The following BSG variants were observed in gnomAD, a reference collection of about 807,000 sequenced individuals.
BSG encodes basigin (Ok blood group), also known as basigin.
In BSG, 37 loss-of-function variants were observed where a neutral mutation model predicts 43.1. The observed-to-expected ratio is 0.86, with a 90% CI of 0.66 to 1.13. The LOEUF is 1.13. BSG is among the 50% of genes most tolerant of loss of function. The probability of loss-of-function intolerance (pLI) is 0.00; values close to 1 mark genes in which losing one functional copy is unlikely to be tolerated. For synonymous variants in BSG, 309 were observed against 238.7 expected (o/e 1.29, Z -2.72); for missense variants, 599 against 554.2 (o/e 1.08, Z -0.81).
chr19:581,280 G>A, intron 5 of BSG, 35 bp from the exon 6 acceptor site: 9 of 1,584,918 alleles, frequency 5.7e-6, no homozygotes, highest in Non-Finnish European at 6.0e-6. Context: ...CTAGACTGGG[G>A]GTCCTGGACT....
rs1479712984 is a variant in BSG, at chr19:582,510, C to T, written c.1095-4C>T. 5 of 1,607,636 alleles carry T rather than the reference C, an allele frequency of 3.1e-6. No individual in the cohort carries two copies. In the African/African-American group the frequency reaches 6.7e-5, roughly 21 times the overall value. On this transcript the variant is annotated splice_polypyrimidine_tract_variant and splice_region_variant and intron_variant, in intron 7 of 8. Coordinates refer to ENST00000333511, the MANE Select transcript of BSG (RefSeq NM_001728.4). ...ACCCTCTCACCCGGCCCCTCGTGCCCCAGGAAGAGCAGCGGGCAGCACCAG... is the reference window on the plus strand; with the variant it reads ...ACCCTCTCACCCGGCCCCTCGTGCCTCAGGAAGAGCAGCGGGCAGCACCAG...
Position 578,338 on chromosome 19 carries a change from C to T in BSG, c.415+217C>T, listed in dbSNP as rs1981970964. 1.3e-5 allele frequency: 6 copies of T among 458,420 alleles called. No homozygotes were observed. The East Asian group carries it at 1.7e-4, about 13-fold the overall frequency. 28.4% of individuals were successfully genotyped at this position (458,420 alleles called of 1,614,324 possible). A position where few individuals can be genotyped will look rare whatever the true frequency, so the allele number is the denominator to read the frequency against. ...GCGGCCTGGCTCGGGGCAGGCAGGG[C>T]TCTGCCCTCCAGCAGGTGGGTCCTC... is the stretch of plus-strand genomic sequence containing the variant. On this transcript the variant is annotated intron_variant, in intron 2 of 8. Transcript: ENST00000333511.
chr19:582,190 G>A lies in BSG; in HGVS notation c.1070-116G>A, dbSNP rs1208408859. 5 of 1,418,934 alleles carry A rather than the reference G, an allele frequency of 3.5e-6. No homozygotes were observed. In the East Asian group the frequency reaches 1.2e-4, roughly 33 times the overall value. The allele number at this position is 1,418,934 out of a possible 1,614,324, so 87.9% of individuals were successfully genotyped here. ...TGATGAGCTGCCCCGAGCCACCCCTGGGGGTCACTGAGGGCAGGGCTGGCA... is the reference window on the plus strand; with the variant it reads ...TGATGAGCTGCCCCGAGCCACCCCTAGGGGTCACTGAGGGCAGGGCTGGCA... On this transcript the variant is annotated intron_variant, in intron 6 of 8. Coordinates refer to ENST00000333511, the MANE Select transcript of BSG (RefSeq NM_001728.4).
At chr19:576,735 T>C (rs1600483656) in intron 1 of BSG, among the ~76,000 whole-genome samples, 2 of 142,118 alleles carry the variant, frequency 1.4e-5, no homozygotes, top group African/African-American at 2.7e-5. Flanking sequence ...CTGAACAGAG[T>C]GAGACTCTGT....
chr19:572,934 TCCGGCCTCGAGC>T (rs28989773), intron 1 of BSG, among the ~76,000 whole-genome samples: 21,290 of 151,972 alleles, frequency 0.14, 1,703 homozygotes, highest in South Asian at 0.26. Context: ...CCCCGGGCGC[TCCGGCCTCGAGC>T]CCGGCCTCTG....
chr19:573,430 G>C (rs1600474756), intron 1 of BSG, among the ~76,000 whole-genome samples: 1 of 152,248 alleles, frequency 6.6e-6, no homozygotes. Flanking sequence ...AGCACATGGA[G>C]GCTCTGAGTG....
rs557199346 is a variant in BSG, at chr19:572,818, G to A, written c.67+117G>A. The A allele has an allele frequency of 5.4e-5, 65 of 1,196,410 alleles. No homozygotes were observed. In the African/African-American group the frequency reaches 9.7e-4, roughly 18 times the overall value. The allele number at this position is 1,196,410 out of a possible 1,614,324, so 74.1% of individuals were successfully genotyped here. Reference sequence around the variant, plus strand: ...CTCGGCGCGGGGCGGCCTGGGGTGCGAAAGGCCGGCCCCGGGGGCTTCCCG... The same window carrying A: ...CTCGGCGCGGGGCGGCCTGGGGTGCAAAAGGCCGGCCCCGGGGGCTTCCCG... On this transcript the variant is annotated intron_variant, in intron 1 of 8. Transcript: ENST00000333511.
At position 581,194 on chromosome 19, in the gene BSG, G is replaced by A. The variant is rs937819466; in HGVS notation, c.793-121G>A. On this transcript the variant is annotated intron_variant, in intron 5 of 8. Coordinates refer to ENST00000333511, the MANE Select transcript of BSG (RefSeq NM_001728.4). ...GTGAGGGGCCTAGACTGGGGGTCCC[G>A]GACTCAGCCCTCCGGACTGGGTGAG... 3.1e-5 allele frequency: 24 copies of A among 778,154 alleles called. No homozygotes were observed. The East Asian group carries it at 8.0e-4, about 26-fold the overall frequency. 48.2% of individuals were successfully genotyped at this position (778,154 alleles called of 1,614,324 possible). A position where few individuals can be genotyped will look rare whatever the true frequency, so the allele number is the denominator to read the frequency against.
chr19:579,086 C>T, intron 2 of BSG: 1 of 460,570 alleles, frequency 2.2e-6, no homozygotes, highest in Non-Finnish European at 4.4e-6. Flanking sequence ...TGTGCTGGGG[C>T]TGCTACAAGA....
At position 580,477 on chromosome 19, in the gene BSG, A is replaced by AG. The variant is rs758548677; in HGVS notation, c.655+20dup. The AG allele has an allele frequency of 4.3e-6, 7 of 1,609,632 alleles. No homozygotes were observed. The East Asian group carries it at 1.3e-4, about 31-fold the overall frequency. On this transcript the variant is annotated intron_variant, in intron 4 of 8. Transcript: ENST00000333511. ...CAGCTCCACGGTGAGTCCTGCAGCC[A>AG]GGGGTACCGGGCACCACCGACTGTC... is the stretch of plus-strand genomic sequence containing the variant.
intron 3 of BSG, among the ~76,000 whole-genome samples, chr19:580,163 GAA>G (rs1982157108): frequency 1.3e-5 from 2 of 151,632 alleles, no homozygotes; most frequent in South Asian, 4.1e-4. Context: ...CAGTCGGGGA[GAA>G]GGGGGTCTGT....
chr19:581,949 GC>G (rs1982363924), intron 6 of BSG, among the ~76,000 whole-genome samples: 1 of 152,284 alleles, frequency 6.6e-6, no homozygotes, highest in Non-Finnish European at 1.5e-5. Context: ...TGCTCCGGCA[GC>G]CCCTGCCTGC....
At chr19:574,199 G>A (rs111866858) in intron 1 of BSG, among the ~76,000 whole-genome samples, 3,180 of 150,798 alleles carry the variant, frequency 0.021, 90 homozygotes, top group African/African-American at 0.072. Flanking sequence ...AGGTTGCAGT[G>A]AGCTGATATC....
intron 1 of BSG, among the ~76,000 whole-genome samples, chr19:575,717 GT>G (rs1981709455): frequency 1.3e-5 from 2 of 152,278 alleles, no homozygotes; most frequent in African/African-American, 4.8e-5. Flanking sequence ...GGCGGAGGCT[GT>G]TTTTAGATGA....
At chr19:580,003 C>G in intron 3 of BSG, 1 of 419,824 alleles carries the variant, frequency 2.4e-6, no homozygotes, top group Non-Finnish European at 4.3e-6. Context: ...GCATGCCCTG[C>G]TCGGACCCCA....
intron 1 of BSG, among the ~76,000 whole-genome samples, chr19:576,931 ATG>A (rs1309141273): frequency 1.3e-5 from 2 of 150,018 alleles, no homozygotes; most frequent in South Asian, 4.3e-4. Flanking sequence ...GCACGTGTGT[ATG>A]TGTTGTGTGT....
chr19:572,437 C>A, upstream of BSG: 1 of 1,141,998 alleles, frequency 8.8e-7, no homozygotes, highest in South Asian at 4.4e-5. Context: ...GTAGCGTGAG[C>A]CTGCCGGAGC....
In BSG at chr19:577,832, G is replaced by A; in HGVS notation, c.126G>A (p.Leu42=). ...GGTGGGTGGGGGGCAGTGTGGAGCT[G>A]CACTGCGAGGCCGTGGGCAGCCCGG... ...QQRWVGGSVE[L]HCEAVGSPVP... is the part of the protein sequence containing the mutation. Residue 42 remains leucine (L), a synonymous_variant, in exon 2 of 9, where the codon CTG becomes CTA. Transcript: ENST00000333511. 1 of 1,504,024 alleles carries A rather than the reference G, an allele frequency of 6.6e-7. No homozygotes were observed. The highest frequency in any genetic ancestry group is 8.9e-7 in the Non-Finnish European group (1 of 1,118,306). 93.2% of individuals were successfully genotyped at this position (1,504,024 alleles called of 1,614,324 possible).
intron 5 of BSG, 32 bp from the exon 6 acceptor site, chr19:581,283 C>T (rs370220371): frequency 9.2e-5 from 147 of 1,593,432 alleles, no homozygotes; most frequent in Non-Finnish European, 1.2e-4. Flanking sequence ...GACTGGGGGT[C>T]CTGGACTCAG....
Sources: gnomAD v4.1 joint callset for allele counts (sites outside exome capture counted in the v4.1 genomes callset) on GRCh38, gnomAD v4.1.1 for gene constraint, MANE v1.5 for transcripts, NCBI Gene and HGNC (gene_info 2026-07-23, HGNC 2026-07-21) for gene names.